Variants in SLC38A6 observed in about 807,000 individuals in gnomAD.
SLC38A6 encodes the protein N system amino acid transporter NAT-1.
A neutral mutation model predicts 65.0 loss-of-function variants in SLC38A6; 73 were observed. The observed-to-expected ratio is 1.12, with a 90% confidence interval of 0.93 to 1.37. The LOEUF (loss-of-function observed/expected upper bound fraction) is 1.37. SLC38A6 is among the 40% of genes most tolerant of loss of function. SLC38A6 has a pLI of 0.00. For missense variants in SLC38A6, 561 were observed against 531.1 expected (o/e 1.06, Z -0.55); for synonymous variants, 183 against 178.8 (o/e 1.02, Z -0.19).
chr14:61,062,011 C>G (rs976266486), intron 15 of SLC38A6, among the ~76,000 whole-genome samples: 3 of 151,840 alleles, frequency 2.0e-5, no homozygotes, highest in Admixed American at 1.3e-4. Flanking sequence ...CTAATTTTTT[C>G]TATTTTTAGT....
Position 61,009,013 on chromosome 14 carries a change from T to A in SLC38A6, c.311-6891T>A, listed in dbSNP as rs535484217. On this transcript the variant is annotated intron_variant, in intron 3 of 15. Transcript: ENST00000267488. Reference sequence around the variant, plus strand: ...GGGTAGTTGTTAGACAACCATGAAATGTGCTAAGCTTTACCTATTCTAAGA... The same window carrying A: ...GGGTAGTTGTTAGACAACCATGAAAAGTGCTAAGCTTTACCTATTCTAAGA... 2.0e-5 allele frequency among the ~76,000 whole-genome samples: 3 copies of A among 152,298 alleles called. No homozygotes were observed. The East Asian group carries it at 5.8e-4, about 29-fold the overall frequency.
At chr14:60,995,428 G>A (rs1031512783) in intron 3 of SLC38A6, among the ~76,000 whole-genome samples, 5 of 152,172 alleles carry the variant, frequency 3.3e-5, no homozygotes, top group Admixed American at 6.5e-5. Flanking sequence ...AAATACATAT[G>A]AACAGAGTAG....
At chr14:61,054,066 G>T (rs1017716495), downstream of SLC38A6, among the ~76,000 whole-genome samples, 5 of 152,112 alleles carry the variant, frequency 3.3e-5, no homozygotes, top group African/African-American at 1.2e-4. Flanking sequence ...TATAAGGAAA[G>T]GGTACAGCTT....
At chr14:61,003,875 C>T (rs1331223108) in intron 3 of SLC38A6, among the ~76,000 whole-genome samples, 2 of 152,028 alleles carry the variant, frequency 1.3e-5, no homozygotes, top group Non-Finnish European at 2.9e-5. Context: ...ATATGCTGAC[C>T]GGAAAGCTAG....
intron 3 of SLC38A6, chr14:61,004,500 G>A (rs932284848): frequency 6.6e-6 from 1 of 152,046 alleles, no homozygotes; most frequent in African/African-American, 2.4e-5. Context: ...AATGATAAAG[G>A]GGTTATCACC....
chr14:61,001,614 T>C (rs1566628828), intron 3 of SLC38A6, among the ~76,000 whole-genome samples: 1 of 152,214 alleles, frequency 6.6e-6, no homozygotes, highest in Non-Finnish European at 1.5e-5. Flanking sequence ...GTTAGCAACA[T>C]GTAAAGAGTT....
chr14:61,047,170 A>G (rs1258372819), intron 12 of SLC38A6, among the ~76,000 whole-genome samples: 2 of 152,130 alleles, frequency 1.3e-5, no homozygotes, highest in Non-Finnish European at 2.9e-5. Context: ...AGTCCAAAAA[A>G]ACTGACCTCC....
chr14:61,069,584 C>T lies in SLC38A6; in HGVS notation c.1291-9226C>T, dbSNP rs556223915. ...ACCCAGAATGTGACTTATTTTCCAC[C>T]TATCCAAATGCTTCTCATTCTTCAA... On this transcript the variant is annotated intron_variant, in intron 15 of 16. Coordinates refer to the SLC38A6 transcript ENST00000354886. Among the ~76,000 whole-genome samples the T allele has an allele frequency of 3.3e-5, 5 of 152,262 alleles. No individual in the cohort carries two copies. The East Asian group carries it at 9.7e-4, about 29-fold the overall frequency.
intron 15 of SLC38A6, among the ~76,000 whole-genome samples, chr14:61,073,438 G>T (rs574157802): frequency 6.6e-6 from 1 of 152,072 alleles, no homozygotes; most frequent in Non-Finnish European, 1.5e-5. Context: ...ATTTCAACGT[G>T]AGTTTTGGGG....
intron 15 of SLC38A6, among the ~76,000 whole-genome samples, chr14:61,068,873 G>A (rs1174760950): frequency 1.3e-5 from 2 of 152,188 alleles, no homozygotes; most frequent in Non-Finnish European, 1.5e-5. Flanking sequence ...GAATCTAACA[G>A]ACTGTGTCCT....
chr14:61,003,497 C>G (rs1310968460), intron 3 of SLC38A6, among the ~76,000 whole-genome samples: 1 of 152,080 alleles, frequency 6.6e-6, no homozygotes, highest in Non-Finnish European at 1.5e-5. Context: ...AAGACAAGCT[C>G]TTAGGGGTCA....
rs181904055 is a variant in SLC38A6, at chr14:61,061,630, G to A, written c.1290+9495G>A. 2.9e-4 allele frequency among the ~76,000 whole-genome samples: 44 copies of A among 152,152 alleles called. 1 individual carries two copies. The highest frequency in any genetic ancestry group is 2.7e-3 in the South Asian group (13 of 4,816). The stretch of plus-strand genomic sequence containing the variant: ...TAGCCTTTTCAGACTGCCTTATTTC[G>A]TTTAGAAATATGCAATTAAGTTTCT... On this transcript the variant is annotated intron_variant, in intron 15 of 16. Coordinates refer to the SLC38A6 transcript ENST00000354886.
chr14:61,017,751 T>C (rs1397748830), intron 4 of SLC38A6, among the ~76,000 whole-genome samples: 2 of 152,210 alleles, frequency 1.3e-5, no homozygotes, highest in Non-Finnish European at 2.9e-5. Context: ...AGTTGTGTTG[T>C]CATTTTAATA....
chr14:61,038,098 T>C (rs1400386047), intron 8 of SLC38A6, among the ~76,000 whole-genome samples: 1 of 152,176 alleles, frequency 6.6e-6, no homozygotes, highest in Non-Finnish European at 1.5e-5. Flanking sequence ...CTTCTGGTAC[T>C]ACATTGAGGA....
intron 15 of SLC38A6, among the ~76,000 whole-genome samples, chr14:61,067,203 A>G (rs995998432): frequency 1.3e-5 from 2 of 152,192 alleles, no homozygotes; most frequent in African/African-American, 2.4e-5. Flanking sequence ...ACAAGTTACT[A>G]TTCTCTGAAC....
intron 10 of SLC38A6, 55 bp downstream of exon 10, chr14:61,043,558 A>T (rs1176782661): frequency 7.2e-7 from 1 of 1,389,566 alleles, no homozygotes; most frequent in East Asian, 2.3e-5. Flanking sequence ...TCAAGTTTTA[A>T]GAGGTTTGTG....
intron 15 of SLC38A6, among the ~76,000 whole-genome samples, chr14:61,062,393 A>G (rs971399794): frequency 1.3e-5 from 2 of 151,750 alleles, no homozygotes; most frequent in African/African-American, 2.4e-5. Flanking sequence ...TCGTTGTTTT[A>G]GTTTGCAGTT....
At chr14:61,065,983 A>G (rs2043006111) in intron 15 of SLC38A6, among the ~76,000 whole-genome samples, 1 of 152,158 alleles carries the variant, frequency 6.6e-6, no homozygotes, top group South Asian at 2.1e-4. Flanking sequence ...AATTAATTTT[A>G]ACCTGTTTTT....
At chr14:61,071,028 A>C (rs1049668143) in intron 15 of SLC38A6, among the ~76,000 whole-genome samples, 1 of 151,990 alleles carries the variant, frequency 6.6e-6, no homozygotes, top group Non-Finnish European at 1.5e-5. Flanking sequence ...GCTGTGCAGA[A>C]TCTCTTCTGT....
Sources: allele counts gnomAD v4.1 joint callset (sites outside exome capture counted in the v4.1 genomes callset), GRCh38; gene constraint gnomAD v4.1.1; transcripts MANE v1.5; gene names NCBI Gene and HGNC (gene_info 2026-07-23, HGNC 2026-07-21).